The following EPHX2 variants were observed in gnomAD, a reference collection of about 807,000 sequenced individuals.
EPHX2 encodes bifunctional epoxide hydrolase 2.
Under a neutral mutation model 78.7 loss-of-function variants are expected in EPHX2, and 74 were observed. That is an observed-to-expected ratio of 0.94 (90% CI 0.78 to 1.14). The LOEUF (loss-of-function observed/expected upper bound fraction) is 1.14, where lower values mean the gene tolerates loss of function less well. Among genes scored for constraint, EPHX2 ranks in the 50% most tolerant of loss-of-function variants. The pLI, the probability that EPHX2 is intolerant of heterozygous loss-of-function variation, is 0.00. For synonymous variants in EPHX2, 251 were observed against 255.2 expected (o/e 0.98, Z 0.16); for missense variants, 715 against 702.5 (o/e 1.02, Z -0.20).
At chr8:27,499,468 G>C (rs1415271432) in intron 1 of EPHX2, among the ~76,000 whole-genome samples, 1 of 152,190 alleles carries the variant, frequency 6.6e-6, no homozygotes, top group East Asian at 1.9e-4. Flanking sequence ...TTACCTGCAA[G>C]AGGGTGTCTG....
At chr8:27,544,302 A>G (rs1815513445) in intron 18 of EPHX2, 58 bp downstream of exon 18, 8 of 1,606,902 alleles carry the variant, frequency 5.0e-6, no homozygotes, top group African/African-American at 1.3e-5. Context: ...TTCACCTTCC[A>G]TAAAAGCTTT....
downstream of EPHX2, among the ~76,000 whole-genome samples, chr8:27,546,960 C>G (rs942818210): frequency 6.6e-6 from 1 of 152,124 alleles, no homozygotes; most frequent in Non-Finnish European, 1.5e-5. Context: ...GAAGGGGAAG[C>G]AGGCACATCC....
chr8:27,544,489 T>C lies in EPHX2; in HGVS notation c.1635T>C (p.Asp545=), dbSNP rs1461004166. Reference sequence around the variant, plus strand: ...TCCTCATTAAGTGGCTGGATTCTGATGCCCGGAACCCACCGGTGGTCTCAA... The same window carrying C: ...TCCTCATTAAGTGGCTGGATTCTGACGCCCGGAACCCACCGGTGGTCTCAA... The part of the protein sequence containing the change: ...NQILIKWLDS[D]ARNPPVVSKM Residue 545 remains aspartate, a synonymous_variant, in exon 19 of 19, where the codon GAT becomes GAC. Transcript: ENST00000521400. 10 of 1,614,044 alleles carry C rather than the reference T, an allele frequency of 6.2e-6. No individual in the cohort carries two copies. Among genetic ancestry groups the C allele is most frequent in the Non-Finnish European group, 8.5e-6 (10 of 1,180,016 alleles).
chr8:27,504,738 G>A (rs951808032), intron 3 of EPHX2, among the ~76,000 whole-genome samples: 3 of 152,208 alleles, frequency 2.0e-5, no homozygotes, highest in Non-Finnish European at 2.9e-5. Flanking sequence ...AGGCTTCTGA[G>A]GGCCTTGAAT....
intron 2 of EPHX2, among the ~76,000 whole-genome samples, chr8:27,501,576 G>GTAT (rs912534136): frequency 2.6e-5 from 4 of 151,096 alleles, no homozygotes; most frequent in African/African-American, 7.3e-5. Flanking sequence ...GCTGTTTTTT[G>GTAT]TATTATTATT....
At chr8:27,526,028 C>CT (rs1183985169) in intron 12 of EPHX2, among the ~76,000 whole-genome samples, 8 of 152,250 alleles carry the variant, frequency 5.3e-5, no homozygotes, top group African/African-American at 1.7e-4. Context: ...CCGCCTACAG[C>CT]TGCCCTCTTC....
chr8:27,522,669 G>A (rs1814690315), intron 11 of EPHX2, among the ~76,000 whole-genome samples, 161 bp downstream of exon 11: 1 of 152,264 alleles, frequency 6.6e-6, no homozygotes, highest in East Asian at 1.9e-4. Flanking sequence ...ACATTATAAA[G>A]AGGGCCTAGC....
chr8:27,532,381 C>T (rs927932073), intron 12 of EPHX2, among the ~76,000 whole-genome samples: 2 of 152,226 alleles, frequency 1.3e-5, no homozygotes, highest in African/African-American at 4.8e-5. Context: ...ATCTTTAAAT[C>T]CTACAGACCA....
chr8:27,491,183 G>T lies in EPHX2; in HGVS notation c.-26G>T. ...CATCTCCCAGGTTAGCTGCGTGTCCGGGTGCTAGGCTGCAGACCCGCCGCC... is the reference window on the plus strand; with the variant it reads ...CATCTCCCAGGTTAGCTGCGTGTCCTGGTGCTAGGCTGCAGACCCGCCGCC... On this transcript the variant is annotated 5_prime_UTR_variant, in exon 1 of 19. Transcript: ENST00000521400. 6.4e-7 allele frequency: 1 copy of T among 1,558,070 alleles called. No homozygotes were observed. Among genetic ancestry groups the T allele is most frequent in the Non-Finnish European group, 8.6e-7 (1 of 1,160,256 alleles).
chr8:27,540,942 G>A (rs1815379448), intron 15 of EPHX2, among the ~76,000 whole-genome samples: 1 of 152,164 alleles, frequency 6.6e-6, no homozygotes, highest in Non-Finnish European at 1.5e-5. Context: ...AGAATCAGAT[G>A]GCAACTCTGG....
At chr8:27,515,878 C>A (rs569322860) in intron 7 of EPHX2, 65 bp downstream of exon 7, 4 of 1,382,224 alleles carry the variant, frequency 2.9e-6, no homozygotes, top group Admixed American at 3.5e-5. Flanking sequence ...TGGTGTGGTC[C>A]GACGTGGACT....
chr8:27,511,529 A>C (rs1814244814), intron 5 of EPHX2, among the ~76,000 whole-genome samples: 1 of 152,196 alleles, frequency 6.6e-6, no homozygotes, highest in Non-Finnish European at 1.5e-5. Flanking sequence ...CAGCTGGAAG[A>C]TGGGGAGTTG....
intron 14 of EPHX2, chr8:27,539,361 T>C (rs1039379848): frequency 1.3e-5 from 2 of 152,230 alleles, no homozygotes; most frequent in Non-Finnish European, 2.9e-5. Flanking sequence ...CCCCTTTAGA[T>C]AAAATATTTG....
At chr8:27,525,083 TGTGTGTGTGTGTGTGTGTGTGTGTGC>T (rs1814778262) in intron 11 of EPHX2, among the ~76,000 whole-genome samples, 1 of 142,774 alleles carries the variant, frequency 7.0e-6, no homozygotes, top group African/African-American at 2.8e-5. Context: ...TGTGTGTGTG[TGTGTGTGTGTGTGTGTGTGTGTGTGC>T]GCGCGCGCGC....
At position 27,540,651 on chromosome 8, in the gene EPHX2, T is replaced by A. The variant is rs1815368369; in HGVS notation, c.1374T>A (p.Gly458=). 5 of 1,613,794 alleles carry A rather than the reference T, an allele frequency of 3.1e-6. No homozygotes were observed. Among genetic ancestry groups the A allele is most frequent in the Non-Finnish European group, 4.2e-6 (5 of 1,179,788 alleles). Residue 458 remains glycine (G), a synonymous_variant, in exon 15 of 19, where the codon GGT becomes GGA. Coordinates refer to ENST00000521400, the MANE Select transcript of EPHX2 (RefSeq NM_001979.6). ...ATGTGCAGCAGTTCAAGAAGTCTGGTTTCAGGTAAAGAGAGCACAGGGCCC... is the reference window on the plus strand; with the variant it reads ...ATGTGCAGCAGTTCAAGAAGTCTGGATTCAGGTAAAGAGAGCACAGGGCCC... ...QFYVQQFKKS[G]FRGPLNWYRN...
At chr8:27,520,068 C>G (rs1585205292) in intron 9 of EPHX2, among the ~76,000 whole-genome samples, 2 of 151,024 alleles carry the variant, frequency 1.3e-5, no homozygotes, top group South Asian at 4.2e-4. Flanking sequence ...TCTTCAACTT[C>G]TGGGCTCAAG....
At chr8:27,502,570 A>G (rs1414188649) in intron 2 of EPHX2, among the ~76,000 whole-genome samples, 2 of 152,194 alleles carry the variant, frequency 1.3e-5, no homozygotes, top group African/African-American at 4.8e-5. Flanking sequence ...AGATGAAGGC[A>G]CTGGCAGGTT....
At chr8:27,508,531 G>T (rs1360414281) in intron 5 of EPHX2, among the ~76,000 whole-genome samples, 1 of 152,170 alleles carries the variant, frequency 6.6e-6, no homozygotes, top group Non-Finnish European at 1.5e-5. Flanking sequence ...TCAGACTTGG[G>T]CTCAGGGAAC....
At chr8:27,493,453 G>A (rs890112833) in intron 1 of EPHX2, among the ~76,000 whole-genome samples, 3 of 152,200 alleles carry the variant, frequency 2.0e-5, no homozygotes, top group African/African-American at 7.2e-5. Flanking sequence ...GTAGAGTAAG[G>A]ATAGATTTAT....
Sources: allele counts gnomAD v4.1 joint callset (sites outside exome capture counted in the v4.1 genomes callset), GRCh38; gene constraint gnomAD v4.1.1; transcripts MANE v1.5; gene names NCBI Gene and HGNC (gene_info 2026-07-23, HGNC 2026-07-21).